The following SLC26A2 variants were observed in gnomAD, a reference collection of about 807,000 sequenced individuals.
The protein encoded by SLC26A2 is solute carrier family 26 member 2.
Under a neutral mutation model 41.1 loss-of-function variants are expected in SLC26A2, and 36 were observed. The ratio of observed to expected loss-of-function variants is 0.88; its 90% CI spans 0.67 to 1.16. The LOEUF (loss-of-function observed/expected upper bound fraction) is 1.16. Among genes scored for constraint, SLC26A2 ranks in the 50% most tolerant of loss-of-function variants. SLC26A2 has a pLI of 0.00. For missense variants in SLC26A2, 796 were observed against 869.6 expected, an observed-to-expected ratio of 0.92 and a Z score of 1.07; for synonymous variants, 291 against 311.6, an observed-to-expected ratio of 0.93 and a Z score of 0.70.
chr5:149,974,609 G>A (rs755462967), intron 1 of SLC26A2, among the ~76,000 whole-genome samples: 23 of 151,460 alleles, frequency 1.5e-4, no homozygotes, highest in Non-Finnish European at 2.5e-4. Flanking sequence ...TTTTTTAGAA[G>A]AGACGGGGTT....
At position 149,986,462 on chromosome 5, in the gene SLC26A2, T is replaced by C. The variant is rs537158526; in HGVS notation, c.*4649T>C. ...TTTTTAAGGTTTAAAAAAAATTTAG[T>C]AACTTACAGGGATGGAGAATTTAGA... On this transcript the variant is annotated 3_prime_UTR_variant, in exon 3 of 3. Coordinates refer to ENST00000286298, the MANE Select transcript of SLC26A2 (RefSeq NM_000112.4). 1 of 152,286 alleles carries C rather than the reference T, an allele frequency of 6.6e-6. No individual in the cohort carries two copies. The highest frequency in any genetic ancestry group is 1.9e-4 in the East Asian group (1 of 5,190). 9.4% of individuals were successfully genotyped at this position (152,286 alleles called of 1,614,324 possible).
chr5:149,983,362 A>G lies in SLC26A2; in HGVS notation c.*1549A>G. The G allele has an allele frequency of 6.6e-6, 1 of 152,180 alleles. No homozygotes were observed. 9.4% of individuals were successfully genotyped at this position (152,180 alleles called of 1,614,324 possible). A position where few individuals can be genotyped will look rare whatever the true frequency, so the allele number is the denominator to read the frequency against. On this transcript the variant is annotated 3_prime_UTR_variant, in exon 3 of 3. Coordinates refer to ENST00000286298, the MANE Select transcript of SLC26A2 (RefSeq NM_000112.4). ...TCACAACAAAGCAGTTGCTCAGTAG[A>G]AAGTCTAGATTTCTGTCTTATAGGT...
At chr5:149,970,165 T>C (rs1014819645) in intron 1 of SLC26A2, among the ~76,000 whole-genome samples, 3 of 152,116 alleles carry the variant, frequency 2.0e-5, no homozygotes, top group African/African-American at 7.2e-5. Context: ...GAAGGAGGTG[T>C]TATTTTATTT....
Position 149,984,125 on chromosome 5 carries a change from C to T in SLC26A2, c.*2312C>T, listed in dbSNP as rs184264397. 8 of 152,304 alleles carry T rather than the reference C, an allele frequency of 5.3e-5. No homozygotes were observed. Among genetic ancestry groups the T allele is most frequent in the East Asian group, 1.9e-4 (1 of 5,190 alleles). 9.4% of individuals were successfully genotyped at this position (152,304 alleles called of 1,614,324 possible). The stretch of plus-strand genomic sequence containing the variant: ...TATGTGGATGTAAACAGTTCTGGAA[C>T]GTTATGCATGCAGTTAGCGAATCCT... On this transcript the variant is annotated 3_prime_UTR_variant, in exon 3 of 3. Coordinates refer to ENST00000286298, the MANE Select transcript of SLC26A2 (RefSeq NM_000112.4).
rs757184507 is a variant in SLC26A2, at chr5:149,984,142, G to A, written c.*2329G>A. 1 of 152,188 alleles carries A rather than the reference G, an allele frequency of 6.6e-6. No individual in the cohort carries two copies. The highest frequency in any genetic ancestry group is 1.5e-5 in the Non-Finnish European group (1 of 68,024). The allele number at this position is 152,188 out of a possible 1,614,324, so 9.4% of individuals were successfully genotyped here. A position where few individuals can be genotyped will look rare whatever the true frequency, so the allele number is the denominator to read the frequency against. Reference sequence around the variant, plus strand: ...TTCTGGAACGTTATGCATGCAGTTAGCGAATCCTTGAATTATGTTCTGGTT... The same window carrying A: ...TTCTGGAACGTTATGCATGCAGTTAACGAATCCTTGAATTATGTTCTGGTT... On this transcript the variant is annotated 3_prime_UTR_variant, in exon 3 of 3. Coordinates refer to ENST00000286298, the MANE Select transcript of SLC26A2 (RefSeq NM_000112.4).
At chr5:149,977,516 A>G (rs937148292) in intron 1 of SLC26A2, 112 bp from the exon 2 acceptor site, 1 of 711,618 alleles carries the variant, frequency 1.4e-6, no homozygotes, top group East Asian at 2.7e-5. Flanking sequence ...TAAGATACCT[A>G]TTCCAAAACT....
At position 149,979,535 on chromosome 5, in the gene SLC26A2, C is replaced by T. The variant is rs563292922; in HGVS notation, c.700-758C>T. 4.6e-5 allele frequency among the ~76,000 whole-genome samples: 7 copies of T among 152,218 alleles called. No individual in the cohort carries two copies. The South Asian group carries it at 1.0e-3, about 23-fold the overall frequency. On this transcript the variant is annotated intron_variant, in intron 2 of 2. Coordinates refer to ENST00000286298, the MANE Select transcript of SLC26A2 (RefSeq NM_000112.4). ...CTGGGATTACAGGCATGAGCCATCA[C>T]GCCCAACCAACTTTTGCCTTTTTGT...
rs1755165510 is a variant in SLC26A2 at position 149,984,712 on chromosome 5, G to A, written c.*2899G>A. On this transcript the variant is annotated 3_prime_UTR_variant, in exon 3 of 3. Coordinates refer to ENST00000286298, the MANE Select transcript of SLC26A2 (RefSeq NM_000112.4). Reference sequence around the variant, plus strand: ...ATTTGCTCTCTTGACCAAAGGATAGGACTTTAGTTCTTTAAGCATTATTTT... The same window carrying A: ...ATTTGCTCTCTTGACCAAAGGATAGAACTTTAGTTCTTTAAGCATTATTTT... 2 of 152,182 alleles carry A rather than the reference G, an allele frequency of 1.3e-5. No individual in the cohort carries two copies. The highest frequency in any genetic ancestry group is 4.1e-4 in the South Asian group (2 of 4,830). 9.4% of individuals were successfully genotyped at this position (152,182 alleles called of 1,614,324 possible).
intron 1 of SLC26A2, among the ~76,000 whole-genome samples, chr5:149,969,053 T>C (rs989043615): frequency 6.6e-6 from 1 of 152,214 alleles, no homozygotes; most frequent in African/African-American, 2.4e-5. Context: ...CAAATGTCTT[T>C]TAAAGAAACA....
At position 149,981,213 on chromosome 5, in the gene SLC26A2, T is replaced by G. The variant is rs749081581; in HGVS notation, c.1620T>G (p.Phe540Leu). Reference protein sequence around the residue: ...GLLVGVCFSIFCVILRTQKPK... With the variant: ...GLLVGVCFSILCVILRTQKPK... The stretch of plus-strand genomic sequence containing the variant: ...TTGTTGGGGTTTGTTTTTCTATATT[T>G]TGTGTCATCCTCCGCACTCAGAAGC... Residue 540 changes from phenylalanine to leucine, a missense_variant, in exon 3 of 3, where the codon TTT (phenylalanine) becomes TTG (leucine). Phe to Leu is a conservative substitution (Grantham distance 22). Transcript: ENST00000286298. The G allele has an allele frequency of 6.2e-7, 1 of 1,614,154 alleles. No homozygotes were observed. The highest frequency in any genetic ancestry group is 1.1e-5 in the South Asian group (1 of 91,086).
chr5:149,983,300 T>C lies in SLC26A2; in HGVS notation c.*1487T>C, dbSNP rs988859570. On this transcript the variant is annotated 3_prime_UTR_variant, in exon 3 of 3. Transcript: ENST00000286298. ...AGTGTTGCTTTTCTGTTGGTAGAGC[T>C]CTCCCATTTGGTGACATGGAAAATA... 6.6e-6 allele frequency: 1 copy of C among 152,098 alleles called. No individual in the cohort carries two copies. The highest frequency in any genetic ancestry group is 1.5e-5 in the Non-Finnish European group (1 of 68,022). The allele number at this position is 152,098 out of a possible 1,614,324, so 9.4% of individuals were successfully genotyped here. A position where few individuals can be genotyped will look rare whatever the true frequency, so the allele number is the denominator to read the frequency against.
At chr5:149,975,223 G>A (rs962467654) in intron 1 of SLC26A2, among the ~76,000 whole-genome samples, 3 of 152,160 alleles carry the variant, frequency 2.0e-5, no homozygotes, top group Admixed American at 6.5e-5. Flanking sequence ...TGAGTTCATC[G>A]ATTCTTTCTT....
intron 1 of SLC26A2, among the ~76,000 whole-genome samples, chr5:149,966,237 G>A (rs1445636074): frequency 2.0e-5 from 3 of 152,106 alleles, no homozygotes; most frequent in Non-Finnish European, 4.4e-5. Flanking sequence ...AAATCATGGC[G>A]GTTGGATTTC....
In SLC26A2 at chr5:149,982,065, G is replaced by C; in HGVS notation, c.*252G>C. On this transcript the variant is annotated 3_prime_UTR_variant, in exon 3 of 3. Transcript: ENST00000286298. ...ATGAAGTATTCTTGGAATGCAATAAGTATGTATTGAACTGTACTGTAAAGT... is the reference window on the plus strand; with the variant it reads ...ATGAAGTATTCTTGGAATGCAATAACTATGTATTGAACTGTACTGTAAAGT... The C allele has an allele frequency of 4.0e-6, 2 of 504,098 alleles. No individual in the cohort carries two copies. The highest frequency in any genetic ancestry group is 7.1e-6 in the Non-Finnish European group (2 of 282,454). The allele number at this position is 504,098 out of a possible 1,614,324, so 31.2% of individuals were successfully genotyped here.
chr5:149,974,131 A>G (rs562479512), intron 1 of SLC26A2, among the ~76,000 whole-genome samples: 47 of 152,356 alleles, frequency 3.1e-4, no homozygotes, highest in Admixed American at 9.8e-4. Flanking sequence ...AGCCTGGGCA[A>G]CAGGGCAAGA....
chr5:149,973,545 C>G (rs1458372767), intron 1 of SLC26A2, among the ~76,000 whole-genome samples: 1 of 152,040 alleles, frequency 6.6e-6, no homozygotes, highest in Non-Finnish European at 1.5e-5. Context: ...CCCCTCATCT[C>G]TCTCTCCCGT....
At chr5:149,966,118 T>A (rs1364057526) in intron 1 of SLC26A2, among the ~76,000 whole-genome samples, 2 of 152,246 alleles carry the variant, frequency 1.3e-5, no homozygotes, top group African/African-American at 2.4e-5. Context: ...TGGGCCAGGC[T>A]GGTCTTGGAC....
intron 2 of SLC26A2, among the ~76,000 whole-genome samples, chr5:149,978,557 G>A (rs1268847039): frequency 1.3e-5 from 2 of 152,112 alleles, no homozygotes; most frequent in African/African-American, 4.8e-5. Flanking sequence ...CCACCACCCA[G>A]TACAACTCCT....
rs1403035327 is a variant in SLC26A2, at chr5:149,981,071, G to A, written c.1478G>A (p.Gly493Glu). Residue 493 changes from glycine to glutamate, a missense_variant, in exon 3 of 3, where the codon GGA becomes GAA. Gly to Glu is a moderately conservative substitution (Grantham distance 98, BLOSUM62 -2). Coordinates refer to ENST00000286298, the MANE Select transcript of SLC26A2 (RefSeq NM_000112.4). ...GTGATCACAATTGTAAATCTACGGG[G>A]AGCCCTTCGTAAATTTAGGGATCTT... ...LGVITIVNLR[G>E]ALRKFRDLPK... 1.2e-6 allele frequency: 2 copies of A among 1,614,120 alleles called. No individual in the cohort carries two copies. The highest frequency in any genetic ancestry group is 2.2e-5 in the East Asian group (1 of 44,886).
Sources: allele counts gnomAD v4.1 joint callset (sites outside exome capture counted in the v4.1 genomes callset), GRCh38; gene constraint gnomAD v4.1.1; transcripts MANE v1.5; gene names NCBI Gene and HGNC (gene_info 2026-07-23, HGNC 2026-07-21).